The following HARBI1 variants were observed in gnomAD, a reference collection of about 807,000 sequenced individuals.
The protein encoded by HARBI1 is harbinger transposase derived 1.
In HARBI1, 15 loss-of-function variants were observed where a neutral mutation model predicts 25.3. The ratio of observed to expected loss-of-function variants is 0.59; its 90% confidence interval spans 0.40 to 0.91. The LOEUF is 0.91. Ranked by LOEUF, HARBI1 falls within the 40% of genes least tolerant of loss-of-function variation. The pLI, the probability that HARBI1 is intolerant of heterozygous loss-of-function variation, is 0.00. For synonymous variants in HARBI1, 168 were observed against 160.5 expected (o/e 1.05, Z -0.35); for missense variants, 396 against 445.8 (o/e 0.89, Z 1.01).
chr11:46,607,363 C>T (rs1027188697), intron 2 of HARBI1, among the ~76,000 whole-genome samples: 1 of 151,500 alleles, frequency 6.6e-6, no homozygotes, highest in Non-Finnish European at 1.5e-5. Flanking sequence ...AGTATATGTT[C>T]GTCATCCTTT....
In HARBI1 at chr11:46,615,945, G is replaced by C. The variant is rs367948574; in HGVS notation, c.293C>G (p.Ala98Gly). ...ATTGGCAACACAACGACTCATAGACGCCTGACTGATTCCAATGGCATCTCC... is the reference window on the plus strand; with the variant it reads ...ATTGGCAACACAACGACTCATAGACCCCTGACTGATTCCAATGGCATCTCC... ...RMGDAIGISQ[A>G]SMSRCVANVT... The change falls in exon 2 of 3, where the codon GCG becomes GGG. Residue 98 changes from alanine (A) to glycine (G), a missense_variant. Coordinates refer to ENST00000326737, the MANE Select transcript of HARBI1 (RefSeq NM_173811.4). 5 of 1,614,018 alleles carry C rather than the reference G, an allele frequency of 3.1e-6. No individual in the cohort carries two copies. In the African/African-American group the frequency reaches 6.7e-5, roughly 22 times the overall value.
intron 1 of HARBI1, chr11:46,616,831 CAAAAAA>C (rs749013239): frequency 5.4e-4 from 326 of 604,910 alleles, no homozygotes; most frequent in African/African-American, 9.4e-4. Context: ...AAAGAAGGGG[CAAAAAA>C]AAAAAAAAAA....
intron 2 of HARBI1, among the ~76,000 whole-genome samples, chr11:46,613,479 CTTTTTTT>C (rs541300001): frequency 8.7e-6 from 1 of 115,186 alleles, no homozygotes; most frequent in Non-Finnish European, 1.8e-5. Flanking sequence ...AGTATGTTGG[CTTTTTTT>C]TTTTTTTTTT....
chr11:46,604,498 A>G (rs2044864636), intron 2 of HARBI1: 12 of 977,010 alleles, frequency 1.2e-5, no homozygotes, highest in Non-Finnish European at 1.5e-5. Context: ...TAGCATGCCA[A>G]TCTTCAAAAT....
At chr11:46,605,462 C>T (rs1055888729) in intron 2 of HARBI1, among the ~76,000 whole-genome samples, 5 of 152,010 alleles carry the variant, frequency 3.3e-5, no homozygotes, top group Non-Finnish European at 7.4e-5. Context: ...CCTCGACCTC[C>T]CAAAGCCCTG....
chr11:46,617,169 G>C lies in HARBI1; in HGVS notation c.-190C>G, dbSNP rs1029905550. ...ACCAGCCACACTTCCCACCCACCCAGCCGGGTTGGGCCCTCCTCCGGAACC... is the reference window on the plus strand; with the variant it reads ...ACCAGCCACACTTCCCACCCACCCACCCGGGTTGGGCCCTCCTCCGGAACC... On this transcript the variant is annotated 5_prime_UTR_variant, in exon 1 of 3. Coordinates refer to ENST00000326737, the MANE Select transcript of HARBI1 (RefSeq NM_173811.4). 1 of 226,482 alleles carries C rather than the reference G, an allele frequency of 4.4e-6. No homozygotes were observed. Among genetic ancestry groups the C allele is most frequent in the African/African-American group, 2.3e-5 (1 of 42,800 alleles). 14.0% of individuals were successfully genotyped at this position (226,482 alleles called of 1,614,324 possible). A position where few individuals can be genotyped will look rare whatever the true frequency, so the allele number is the denominator to read the frequency against.
intron 2 of HARBI1, among the ~76,000 whole-genome samples, chr11:46,607,259 C>CAAAA (rs149824275): frequency 1.4e-5 from 1 of 71,700 alleles, no homozygotes; most frequent in African/African-American, 4.6e-5. Flanking sequence ...GAGACTGTCT[C>CAAAA]AAAAAAAAAA....
chr11:46,612,304 A>T (rs1306274206), intron 2 of HARBI1, among the ~76,000 whole-genome samples: 1 of 152,158 alleles, frequency 6.6e-6, no homozygotes, highest in Non-Finnish European at 1.5e-5. Flanking sequence ...CAAAAGTTAG[A>T]GAAGTCTTCT....
Position 46,615,888 on chromosome 11 carries a change from T to C in HARBI1, c.350A>G (p.Gln117Arg), listed in dbSNP as rs1461646502. 2 of 1,614,184 alleles carry C rather than the reference T, an allele frequency of 1.2e-6. No individual in the cohort carries two copies. The highest frequency in any genetic ancestry group is 1.1e-5 in the South Asian group (1 of 91,080). Residue 117 changes from glutamine to arginine, a missense_variant, in exon 2 of 3, where the codon CAG becomes CGG. Coordinates refer to ENST00000326737, the MANE Select transcript of HARBI1 (RefSeq NM_173811.4). ...TTCATCAGCTGGAAAGCGAATGAAC[T>C]GTGAGGCCCTTTCCACAAGTGCTTC... is the stretch of plus-strand genomic sequence containing the variant. ...VTEALVERASQFIRFPADEAS... is the reference protein window; with the variant it reads ...VTEALVERASRFIRFPADEAS...
At position 46,603,850 on chromosome 11, in the gene HARBI1, G is replaced by C; in HGVS notation, c.730C>G (p.Pro244Ala). 6.2e-7 allele frequency: 1 copy of C among 1,614,106 alleles called. No individual in the cohort carries two copies. Among genetic ancestry groups the C allele is most frequent in the Non-Finnish European group, 8.5e-7 (1 of 1,179,984 alleles). Residue 244 changes from proline (P) to alanine (A), a missense_variant, in exon 3 of 3, where the codon CCA (proline) becomes GCA (alanine). Pro to Ala is a conservative substitution (Grantham distance 27). Transcript: ENST00000326737. Reference protein sequence around the residue: ...LMTPLHIPETPAEYRYNMAHS... With the variant: ...LMTPLHIPETAAEYRYNMAHS... ...GCCATGTTATAGCGATATTCTGCTG[G>C]AGTTTCAGGAATGTGAAGTGGGGTC... is the stretch of plus-strand genomic sequence containing the variant.
At position 46,615,836 on chromosome 11, in the gene HARBI1, T is replaced by G. The variant is rs1318800767; in HGVS notation, c.402A>C (p.Glu134Asp). 1 of 1,614,066 alleles carries G rather than the reference T, an allele frequency of 6.2e-7. No homozygotes were observed. Among genetic ancestry groups the G allele is most frequent in the Non-Finnish European group, 8.5e-7 (1 of 1,180,042 alleles). ...DEASIQALKD[E>D]FYGLAGMPGV... ...CTGGCATCCCTGCCAACCCATAGAA[T>G]TCATCCTTCAGAGCCTGAATGGAGG... The change falls in exon 2 of 3, where the codon GAA becomes GAC. Residue 134 changes from glutamate to aspartate, a missense_variant. Glu to Asp is a conservative substitution (Grantham distance 45). Coordinates refer to ENST00000326737, the MANE Select transcript of HARBI1 (RefSeq NM_173811.4).
chr11:46,604,141 A>G (rs1286138918), intron 2 of HARBI1: 1 of 985,266 alleles, frequency 1.0e-6, no homozygotes, highest in Non-Finnish European at 1.2e-6. Context: ...ATCGACACAT[A>G]AAAACGCTGG....
At chr11:46,617,669 G>T, upstream of HARBI1, 2 of 388,388 alleles carry the variant, frequency 5.1e-6, no homozygotes, top group Non-Finnish European at 9.1e-6. Flanking sequence ...ACTGAAGAGC[G>T]CCAGTCGACG....
chr11:46,616,157 C>A lies in HARBI1; in HGVS notation c.81G>T (p.Leu27=). Residue 27 remains leucine (L), a synonymous_variant, in exon 2 of 3, where the codon CTG becomes CTT. Transcript: ENST00000326737. ...RGHRTLDRFK[L]DDVTDEYLMS... ...TCAAGTATTCATCAGTCACATCATC[C>A]AGCTTAAAACGGTCCAATGTCCGGT... The A allele has an allele frequency of 6.2e-7, 1 of 1,614,080 alleles. No homozygotes were observed. The highest frequency in any genetic ancestry group is 8.5e-7 in the Non-Finnish European group (1 of 1,180,038).
chr11:46,605,119 T>C (rs1281143336), intron 2 of HARBI1, among the ~76,000 whole-genome samples: 1 of 152,166 alleles, frequency 6.6e-6, no homozygotes, highest in Non-Finnish European at 1.5e-5. Context: ...TACCACTGTG[T>C]TCCTGCCCCA....
At position 46,603,388 on chromosome 11, in the gene HARBI1, A is replaced by C; in HGVS notation, c.*142T>G. 1.3e-6 allele frequency: 1 copy of C among 781,846 alleles called. No individual in the cohort carries two copies. The highest frequency in any genetic ancestry group is 2.1e-6 in the Non-Finnish European group (1 of 486,152). The allele number at this position is 781,846 out of a possible 1,614,324, so 48.4% of individuals were successfully genotyped here. ...GATATTCTGGCATAGCCCCAACCTT[A>C]CCAAAACACACATATTAAATGTCAG... is the stretch of plus-strand genomic sequence containing the variant. On this transcript the variant is annotated 3_prime_UTR_variant, in exon 3 of 3. Coordinates refer to ENST00000326737, the MANE Select transcript of HARBI1 (RefSeq NM_173811.4).
At position 46,616,290 on chromosome 11, in the gene HARBI1, G is replaced by A; in HGVS notation, c.-53C>T. ...TTGCTTTTTCTGAACTGTTCCCAAT[G>A]AAGATGTTGGTGCAAGAACGTATTT... On this transcript the variant is annotated 5_prime_UTR_variant, in exon 2 of 3. Coordinates refer to ENST00000326737, the MANE Select transcript of HARBI1 (RefSeq NM_173811.4). 1.3e-6 allele frequency: 2 copies of A among 1,546,680 alleles called. No homozygotes were observed. Among genetic ancestry groups the A allele is most frequent in the South Asian group, 1.2e-5 (1 of 82,590 alleles).
intron 2 of HARBI1, chr11:46,604,133 C>T (rs144319124): frequency 5.1e-6 from 5 of 985,300 alleles, no homozygotes; most frequent in East Asian, 1.1e-4. Flanking sequence ...TGGTAAAAAT[C>T]GACACATAAA....
intron 2 of HARBI1, among the ~76,000 whole-genome samples, chr11:46,610,658 C>T (rs1360486622): frequency 6.6e-6 from 1 of 152,048 alleles, no homozygotes; most frequent in Non-Finnish European, 1.5e-5. Context: ...GACTCCGTCT[C>T]AAAAAATAAA....
Sources: gnomAD v4.1 joint callset for allele counts (sites outside exome capture counted in the v4.1 genomes callset) on GRCh38, gnomAD v4.1.1 for gene constraint, MANE v1.5 for transcripts, NCBI Gene and HGNC (gene_info 2026-07-23, HGNC 2026-07-21) for gene names.